Variants in ZNF808 observed in about 807,000 individuals in gnomAD.
ZNF808 encodes the protein zinc finger protein 808.
In ZNF808, 5 loss-of-function variants were observed where a neutral mutation model predicts 8.7. The observed-to-expected ratio is 0.58, with a 90% CI of 0.30 to 1.21. ZNF808 has a LOEUF of 1.21. ZNF808 is among the 50% of genes most tolerant of loss of function. The pLI, the probability that ZNF808 is intolerant of heterozygous loss-of-function variation, is 0.07. For missense variants in ZNF808, 1,103 were observed against 1,098.4 expected (o/e 1.00, Z -0.06); for synonymous variants, 380 against 366.0 (o/e 1.04, Z -0.44).
At chr19:52,545,350 T>G (rs190698768) in intron 3 of ZNF808, among the ~76,000 whole-genome samples, 11 of 152,292 alleles carry the variant, frequency 7.2e-5, no homozygotes, top group Middle Eastern at 6.8e-3. Context: ...ATGTGATGTG[T>G]GTGCATGAAT....
At chr19:52,540,038 G>C (rs2059655645) in intron 2 of ZNF808, among the ~76,000 whole-genome samples, 1 of 151,804 alleles carries the variant, frequency 6.6e-6, no homozygotes, top group Non-Finnish European at 1.5e-5. Context: ...TTTATTTATT[G>C]AGACTCTCTG....
chr19:52,554,786 A>G lies in ZNF808; in HGVS notation c.1870A>G (p.Arg624Gly). 4 of 1,613,940 alleles carry G rather than the reference A, an allele frequency of 2.5e-6. No homozygotes were observed. Among genetic ancestry groups the G allele is most frequent in the Non-Finnish European group, 3.4e-6 (4 of 1,179,960 alleles). Reference sequence around the variant, plus strand: ...AATTCATACTGGAGAGAAACCATACAGATGTCAGGTTTGTGACACAGCTTT... The same window carrying G: ...AATTCATACTGGAGAGAAACCATACGGATGTCAGGTTTGTGACACAGCTTT... ...KRIHTGEKPY[R>G]CQVCDTAFTW... The change falls in exon 5 of 5, where the codon AGA becomes GGA. Residue 624 changes from arginine (R) to glycine (G), a missense_variant. Physicochemically the swap from Arg to Gly is moderately radical, Grantham distance 125. Coordinates refer to ENST00000359798, the MANE Select transcript of ZNF808 (RefSeq NM_001039886.4).
rs568093398 is a variant in ZNF808 at position 52,528,241 on chromosome 19, A to C, written c.-122+530A>C. On this transcript the variant is annotated intron_variant, in intron 1 of 4. Coordinates refer to ENST00000359798, the MANE Select transcript of ZNF808 (RefSeq NM_001039886.4). The stretch of plus-strand genomic sequence containing the variant: ...CCTCCGCAGTCACCGCTTCCATTGA[A>C]CCCACACTGGGAAGGACGCAGGGCC... Among the ~76,000 whole-genome samples the C allele has an allele frequency of 3.3e-5, 5 of 151,758 alleles. No individual in the cohort carries two copies. In the East Asian group the frequency reaches 9.8e-4, roughly 30 times the overall value.
intron 2 of ZNF808, among the ~76,000 whole-genome samples, chr19:52,539,043 C>A (rs1335386314): frequency 1.3e-5 from 2 of 151,994 alleles, no homozygotes; most frequent in Non-Finnish European, 2.9e-5. Context: ...CTTTTCATGG[C>A]TGGGGTCGGG....
intron 4 of ZNF808, among the ~76,000 whole-genome samples, chr19:52,552,404 C>A (rs994528478): frequency 6.0e-5 from 9 of 150,214 alleles, no homozygotes; most frequent in Non-Finnish European, 1.3e-4. Context: ...ATTGTACTAA[C>A]TTTTTTCTTT....
chr19:52,543,483 T>C (rs1208132716), intron 3 of ZNF808, 136 bp downstream of exon 3: 5 of 1,317,904 alleles, frequency 3.8e-6, no homozygotes, highest in Non-Finnish European at 5.2e-6. Flanking sequence ...CACGTTCACT[T>C]GCACTCACCC....
intron 1 of ZNF808, among the ~76,000 whole-genome samples, chr19:52,529,819 CA>C (rs1051287904): frequency 5.1e-4 from 77 of 152,016 alleles, no homozygotes; most frequent in South Asian, 1.0e-3. Flanking sequence ...CTCTTGGACT[CA>C]AGTGATCCTC....
downstream of ZNF808, among the ~76,000 whole-genome samples, chr19:52,557,661 C>G (rs1162977327): frequency 6.6e-6 from 1 of 152,188 alleles, no homozygotes; most frequent in Non-Finnish European, 1.5e-5. Flanking sequence ...TGTGTGTTCA[C>G]ACTTCTGCAT....
At chr19:52,537,973 T>TG (rs1035712168) in intron 2 of ZNF808, among the ~76,000 whole-genome samples, 7 of 132,096 alleles carry the variant, frequency 5.3e-5, no homozygotes, top group South Asian at 2.4e-4. Context: ...TAGGAAGTGG[T>TG]GGGAAAAAAA....
At chr19:52,558,629 C>G (rs2059846909), downstream of ZNF808, among the ~76,000 whole-genome samples, 2 of 152,192 alleles carry the variant, frequency 1.3e-5, no homozygotes, top group African/African-American at 4.8e-5. Context: ...CTCGGCCTCC[C>G]AAAGTGCTGG....
At chr19:52,547,052 A>T (rs1180172604) in intron 3 of ZNF808, among the ~76,000 whole-genome samples, 1 of 144,254 alleles carries the variant, frequency 6.9e-6, no homozygotes, top group Non-Finnish European at 1.5e-5. Flanking sequence ...GGTTCAAGTG[A>T]TTCTCCTGCC....
intron 3 of ZNF808, among the ~76,000 whole-genome samples, chr19:52,543,582 T>C (rs904048574): frequency 6.6e-6 from 1 of 152,124 alleles, no homozygotes; most frequent in Non-Finnish European, 1.5e-5. Context: ...CCACTGGGCA[T>C]GGTCTTGGGA....
At chr19:52,540,696 G>A (rs757541360) in intron 2 of ZNF808, among the ~76,000 whole-genome samples, 78 of 152,268 alleles carry the variant, frequency 5.1e-4, no homozygotes, top group African/African-American at 1.8e-3. Flanking sequence ...TGAAGGATGG[G>A]CTGGATTGAC....
At chr19:52,532,202 C>T (rs905041699) in intron 1 of ZNF808, among the ~76,000 whole-genome samples, 1 of 151,882 alleles carries the variant, frequency 6.6e-6, no homozygotes, top group African/African-American at 2.4e-5. Context: ...AATTTTATGA[C>T]AGGTATTCAG....
At chr19:52,562,829 A>C (rs1235927268) in intron 3 of ZNF808, among the ~76,000 whole-genome samples, 1 of 151,878 alleles carries the variant, frequency 6.6e-6, no homozygotes, top group African/African-American at 2.4e-5. Flanking sequence ...GCTGGAGTGC[A>C]ATGGCATGAT....
downstream of ZNF808, among the ~76,000 whole-genome samples, chr19:52,566,827 A>G (rs571889507): frequency 1.3e-5 from 2 of 152,340 alleles, no homozygotes; most frequent in African/African-American, 4.8e-5. Flanking sequence ...CAGCTTAATC[A>G]TACCTGCAAG....
At chr19:52,549,179 C>T (rs916791177) in intron 4 of ZNF808, among the ~76,000 whole-genome samples, 65 of 152,076 alleles carry the variant, frequency 4.3e-4, no homozygotes, top group African/African-American at 1.6e-3. Flanking sequence ...AGTGTTTCAC[C>T]ATGCTGGCCT....
intron 4 of ZNF808, among the ~76,000 whole-genome samples, chr19:52,547,990 C>T (rs1454738776): frequency 6.6e-6 from 1 of 152,138 alleles, no homozygotes; most frequent in Non-Finnish European, 1.5e-5. Context: ...CCGCCCACCT[C>T]ACCCTCCCAA....
chr19:52,543,245 C>G (rs1332563492), intron 2 of ZNF808, 21 bp from the exon 3 acceptor site: 1 of 1,608,984 alleles, frequency 6.2e-7, no homozygotes, highest in East Asian at 2.2e-5. Flanking sequence ...AACATGAAGT[C>G]TTATTTTTTT....
Sources: gnomAD v4.1 joint callset for allele counts (sites outside exome capture counted in the v4.1 genomes callset) on GRCh38, gnomAD v4.1.1 for gene constraint, MANE v1.5 for transcripts, NCBI Gene and HGNC (gene_info 2026-07-23, HGNC 2026-07-21) for gene names.